TCF12: variants seen among roughly 807,000 people sequenced by gnomAD.
TCF12 encodes the protein DNA-binding protein HTF4.
In TCF12, 45 loss-of-function variants were observed where a neutral mutation model predicts 86.0. The observed-to-expected ratio is 0.52, with a 90% confidence interval of 0.41 to 0.67. The LOEUF (loss-of-function observed/expected upper bound fraction) is 0.67, where lower values mean the gene tolerates loss of function less well. TCF12 is among the 30% of genes least tolerant of loss of function. The pLI, the probability that TCF12 is intolerant of heterozygous loss-of-function variation, is 0.00. For synonymous variants in TCF12, 330 were observed against 299.6 expected (o/e 1.10, Z -1.05); for missense variants, 881 against 859.9 (o/e 1.02, Z -0.31).
At chr15:57,231,965 G>T (rs1228630276) in intron 9 of TCF12, among the ~76,000 whole-genome samples, 1 of 152,092 alleles carries the variant, frequency 6.6e-6, no homozygotes, top group Non-Finnish European at 1.5e-5. Context: ...GTATGTATAA[G>T]TATACCACTT....
intron 4 of TCF12, among the ~76,000 whole-genome samples, chr15:57,067,976 A>T (rs1385508520): frequency 1.3e-5 from 2 of 152,194 alleles, no homozygotes; most frequent in African/African-American, 4.8e-5. Flanking sequence ...TACCAGGCAT[A>T]AAGGCCAGAG....
chr15:56,981,058 A>G (rs75155238), intron 3 of TCF12, among the ~76,000 whole-genome samples: 214 of 152,320 alleles, frequency 1.4e-3, no homozygotes, highest in Non-Finnish European at 2.1e-3. Context: ...TTCCGGACTA[A>G]TGATGATTTA....
chr15:57,143,337 G>C (rs2053126575), intron 5 of TCF12, among the ~76,000 whole-genome samples: 1 of 152,160 alleles, frequency 6.6e-6, no homozygotes, highest in Non-Finnish European at 1.5e-5. Context: ...GTACACATCA[G>C]CACATACACA....
intron 3 of TCF12, among the ~76,000 whole-genome samples, chr15:57,029,910 GTTTCT>G (rs1336251736): frequency 6.6e-6 from 1 of 152,264 alleles, no homozygotes; most frequent in Non-Finnish European, 1.5e-5. Flanking sequence ...GGTATCAGTA[GTTTCT>G]TTTCTTTTAT....
rs1254225840 is a variant in TCF12 at position 57,286,657 on chromosome 15, C to T, written c.*512C>T. 2.2e-6 allele frequency: 1 copy of T among 456,594 alleles called. No homozygotes were observed. The highest frequency in any genetic ancestry group is 4.4e-6 in the Non-Finnish European group (1 of 226,986). 28.3% of individuals were successfully genotyped at this position (456,594 alleles called of 1,614,324 possible). A position where few individuals can be genotyped will look rare whatever the true frequency, so the allele number is the denominator to read the frequency against. ...GTGACAACCATTGGCCCTTAGCATT[C>T]CCGGCATACCTATTAGTGTCTTAAA... is the stretch of plus-strand genomic sequence containing the variant. On this transcript the variant is annotated 3_prime_UTR_variant, in exon 21 of 21. Coordinates refer to ENST00000333725, the MANE Select transcript of TCF12 (RefSeq NM_207037.2).
At chr15:57,109,657 G>T (rs1230734057) in intron 5 of TCF12, among the ~76,000 whole-genome samples, 2 of 152,074 alleles carry the variant, frequency 1.3e-5, no homozygotes, top group Non-Finnish European at 2.9e-5. Flanking sequence ...AGTATTTTAG[G>T]TTTTTGTTGA....
intron 5 of TCF12, among the ~76,000 whole-genome samples, chr15:57,099,404 G>C (rs1056364732): frequency 1.1e-4 from 16 of 152,056 alleles, no homozygotes; most frequent in East Asian, 5.8e-4. Flanking sequence ...ACTTGAAAGA[G>C]TAACCAGGAT....
At chr15:57,240,481 C>T (rs1197252574) in intron 12 of TCF12, among the ~76,000 whole-genome samples, 1 of 152,118 alleles carries the variant, frequency 6.6e-6, no homozygotes, top group African/African-American at 2.4e-5. Context: ...CCTCCCTTGC[C>T]AATATTGTAG....
intron 8 of TCF12, chr15:57,219,654 C>CG: frequency 6.8e-7 from 1 of 1,462,576 alleles, no homozygotes. Flanking sequence ...ATACATTACT[C>CG]GCTTTTTACT....
At chr15:56,985,868 T>C (rs755439586) in intron 3 of TCF12, among the ~76,000 whole-genome samples, 1 of 152,174 alleles carries the variant, frequency 6.6e-6, no homozygotes, top group Admixed American at 6.5e-5. Flanking sequence ...ATAGAAGTTA[T>C]ACGTAGTAAA....
chr15:57,235,539 T>G (rs937653585), intron 12 of TCF12, among the ~76,000 whole-genome samples: 3 of 152,204 alleles, frequency 2.0e-5, no homozygotes, highest in African/African-American at 2.4e-5. Context: ...TTGATGAGAA[T>G]GAAAGAAAAT....
intron 6 of TCF12, among the ~76,000 whole-genome samples, chr15:57,191,318 G>C (rs1249503842): frequency 6.6e-6 from 1 of 152,100 alleles, no homozygotes; most frequent in African/African-American, 2.4e-5. Flanking sequence ...TTAAAAATTA[G>C]CTGGGTGTGG....
In TCF12 at chr15:56,919,979, C is replaced by T. The variant is rs775553149; in HGVS notation, c.66C>T (p.Asp22=). Residue 22 remains aspartate (D), a synonymous_variant, in exon 2 of 21, where the codon GAC becomes GAT. Transcript: ENST00000333725. ...ACAAGGAGCTGAGCGACCTACTGGA[C>T]TTCAGTGCGGTATGAGAGCTTTCCA... ...GTDKELSDLL[D]FSAMFSPPVN... The T allele has an allele frequency of 5.0e-6, 8 of 1,613,918 alleles. No individual in the cohort carries two copies. The highest frequency in any genetic ancestry group is 6.8e-6 in the Non-Finnish European group (8 of 1,179,980).
At chr15:56,918,515 T>C (rs2059602255), upstream of TCF12, 2 of 316,578 alleles carry the variant, frequency 6.3e-6, no homozygotes, top group South Asian at 4.4e-5. Context: ...CCCGCCGCGG[T>C]GCGGCTCCTC....
At chr15:57,076,489 C>G (rs1483584429) in intron 4 of TCF12, among the ~76,000 whole-genome samples, 1 of 151,942 alleles carries the variant, frequency 6.6e-6, no homozygotes, top group African/African-American at 2.4e-5. Context: ...CCCGTCTCTA[C>G]TAAAAATACA....
At chr15:57,257,701 A>ATATATG (rs1223712217) in intron 16 of TCF12, among the ~76,000 whole-genome samples, 10 of 131,580 alleles carry the variant, frequency 7.6e-5, no homozygotes, top group Admixed American at 3.1e-4. Flanking sequence ...ATATATATAT[A>ATATATG]TAGTGGTACA....
intron 8 of TCF12, among the ~76,000 whole-genome samples, chr15:57,230,611 A>T (rs2059091478): frequency 6.6e-6 from 1 of 152,044 alleles, no homozygotes; most frequent in South Asian, 2.1e-4. Context: ...TTTTTAATTT[A>T]TTTGCTAACT....
At chr15:57,270,286 T>C (rs2061073422) in intron 18 of TCF12, among the ~76,000 whole-genome samples, 1 of 152,226 alleles carries the variant, frequency 6.6e-6, no homozygotes, top group Admixed American at 6.5e-5. Flanking sequence ...AAGCTTGTCT[T>C]CTCGCATTAT....
intron 5 of TCF12, among the ~76,000 whole-genome samples, chr15:57,152,904 G>A (rs1287449759): frequency 6.6e-6 from 1 of 151,618 alleles, no homozygotes; most frequent in African/African-American, 2.4e-5. Context: ...TATTTAAAGT[G>A]CTGAAAACCA....
Sources: allele counts gnomAD v4.1 joint callset (sites outside exome capture counted in the v4.1 genomes callset), GRCh38; gene constraint gnomAD v4.1.1; transcripts MANE v1.5; gene names NCBI Gene and HGNC (gene_info 2026-07-23, HGNC 2026-07-21).